SP3: variants seen among roughly 807,000 people sequenced by gnomAD.
The protein encoded by SP3 is transcription factor Sp3.
A neutral mutation model predicts 70.3 loss-of-function variants in SP3; 10 were observed. The ratio of observed to expected loss-of-function variants is 0.14; its 90% confidence interval spans 0.09 to 0.24. SP3 has a LOEUF of 0.24. Among genes scored for constraint, SP3 ranks in the 10% least tolerant of loss-of-function variants. SP3 has a pLI of 1.00. For synonymous variants in SP3, 402 were observed against 333.5 expected (o/e 1.21, Z -2.24); for missense variants, 825 against 914.6 (o/e 0.90, Z 1.26).
At chr2:173,963,951 T>A in intron 2 of SP3, 68 bp from the exon 3 acceptor site, 1 of 1,155,452 alleles carries the variant, frequency 8.7e-7, no homozygotes, top group South Asian at 1.7e-5. Flanking sequence ...TCGGGCCGCC[T>A]TTCGCACAGG....
In SP3 at chr2:173,935,568, TAC is replaced by T. The variant is rs202232401; in HGVS notation, c.1640-16785_1640-16784del. On this transcript the variant is annotated intron_variant, in intron 4 of 6. Coordinates refer to ENST00000310015, the MANE Select transcript of SP3 (RefSeq NM_003111.5). ...AGTATCTCAGAAATGGTAGAAAATGTACACACTTCCTGCACGTTTTATGGTCC... is the reference window on the plus strand; with the variant it reads ...AGTATCTCAGAAATGGTAGAAAATGTACACTTCCTGCACGTTTTATGGTCC... 4.8e-3 allele frequency among the ~76,000 whole-genome samples: 730 copies of T among 152,316 alleles called. 3 individuals are homozygous for T. The highest frequency in any genetic ancestry group is 0.017 in the African/African-American group (698 of 41,578).
At chr2:173,959,400 T>C (rs191982853) in intron 3 of SP3, among the ~76,000 whole-genome samples, 81 of 150,004 alleles carry the variant, frequency 5.4e-4, no homozygotes, top group Non-Finnish European at 1.0e-3. Flanking sequence ...CTGGAAACAC[T>C]ACAGAAACAA....
rs545572447 is a variant in SP3, at chr2:173,950,539, C to T, written c.1639+4334G>A. Among the ~76,000 whole-genome samples, 71 of 151,672 alleles carry T rather than the reference C, an allele frequency of 4.7e-4. No individual in the cohort carries two copies. The South Asian group carries it at 0.011, about 23-fold the overall frequency. The stretch of plus-strand genomic sequence containing the variant: ...ACAAAAAATTTAAAACTTAGCTGGG[C>T]ATGGTGGCGCTAGCCTGTAGTTCTA... On this transcript the variant is annotated intron_variant, in intron 4 of 6. Coordinates refer to ENST00000310015, the MANE Select transcript of SP3 (RefSeq NM_003111.5).
intron 4 of SP3, among the ~76,000 whole-genome samples, chr2:173,926,196 C>CT (rs1455650922): frequency 6.6e-6 from 1 of 152,174 alleles, no homozygotes; most frequent in African/African-American, 2.4e-5. Flanking sequence ...AATGTCTAGT[C>CT]TAACTTAGTC....
rs978796263 is a variant in SP3 at position 173,904,654 on chromosome 2, G to A, written c.*5287C>T. 5.3e-5 allele frequency among the ~76,000 whole-genome samples: 8 copies of A among 152,124 alleles called. No individual in the cohort carries two copies. The highest frequency in any genetic ancestry group is 3.3e-4 in the Admixed American group (5 of 15,274). On this transcript the variant is annotated 3_prime_UTR_variant, in exon 7 of 7. Coordinates refer to ENST00000310015, the MANE Select transcript of SP3 (RefSeq NM_003111.5). Reference sequence around the variant, plus strand: ...CAGTTTTCCAATTCCAAATTCTCAGGAGAAATCATCTAATTGGCTCAACTT... The same window carrying A: ...CAGTTTTCCAATTCCAAATTCTCAGAAGAAATCATCTAATTGGCTCAACTT...
chr2:173,932,080 T>C (rs1033864695), intron 4 of SP3, among the ~76,000 whole-genome samples: 2 of 152,260 alleles, frequency 1.3e-5, no homozygotes, highest in Non-Finnish European at 2.9e-5. Flanking sequence ...TTCAATATGC[T>C]TTCCTCACTA....
chr2:173,932,383 G>A (rs1690089837), intron 4 of SP3, among the ~76,000 whole-genome samples: 1 of 152,064 alleles, frequency 6.6e-6, no homozygotes. Context: ...GTAGAGATGG[G>A]TTTCACCATG....
intron 4 of SP3, among the ~76,000 whole-genome samples, chr2:173,927,715 T>TA (rs1473137288): frequency 1.3e-5 from 2 of 152,218 alleles, no homozygotes; most frequent in Non-Finnish European, 2.9e-5. Flanking sequence ...AAAACAGTAT[T>TA]ATTTACTATT....
At chr2:173,944,656 T>A (rs1383613448) in intron 4 of SP3, among the ~76,000 whole-genome samples, 1 of 152,224 alleles carries the variant, frequency 6.6e-6, no homozygotes, top group African/African-American at 2.4e-5. Flanking sequence ...ATATCAACAC[T>A]CTAATGAAGA....
At chr2:173,919,550 G>A (rs1689692055) in intron 4 of SP3, among the ~76,000 whole-genome samples, 2 of 151,974 alleles carry the variant, frequency 1.3e-5, no homozygotes, top group African/African-American at 2.4e-5. Context: ...TATTTATAAG[G>A]CTCAGGAGAA....
At chr2:173,931,632 A>T (rs1690070750) in intron 4 of SP3, among the ~76,000 whole-genome samples, 1 of 152,074 alleles carries the variant, frequency 6.6e-6, no homozygotes, top group Admixed American at 6.5e-5. Context: ...GTGAGCCACC[A>T]CGCCCAGCCG....
rs1281759376 is a variant in SP3, at chr2:173,903,217, A to G, written c.*6724T>C. Among the ~76,000 whole-genome samples, 1 of 152,214 alleles carries G rather than the reference A, an allele frequency of 6.6e-6. No individual in the cohort carries two copies. The highest frequency in any genetic ancestry group is 1.5e-5 in the Non-Finnish European group (1 of 68,032). ...TACATTTACTAATACATAATATAAT[A>G]TGTGCCAGGCATTATGGAAAGTGGT... On this transcript the variant is annotated 3_prime_UTR_variant, in exon 7 of 7. Coordinates refer to ENST00000310015, the MANE Select transcript of SP3 (RefSeq NM_003111.5).
chr2:173,941,918 T>G (rs943181297), intron 4 of SP3, among the ~76,000 whole-genome samples: 1 of 152,204 alleles, frequency 6.6e-6, no homozygotes, highest in Non-Finnish European at 1.5e-5. Flanking sequence ...CCACAGTAAG[T>G]AGTTTTTAGT....
At chr2:173,948,069 A>T (rs964872884) in intron 4 of SP3, among the ~76,000 whole-genome samples, 1 of 152,218 alleles carries the variant, frequency 6.6e-6, no homozygotes, top group Non-Finnish European at 1.5e-5. Context: ...TTAACAAAAA[A>T]GAGCCCTACT....
rs1221691063 is a variant in SP3 at position 173,908,824 on chromosome 2, T to C, written c.*1117A>G. 1 of 152,146 alleles carries C rather than the reference T, an allele frequency of 6.6e-6. No homozygotes were observed. Among genetic ancestry groups the C allele is most frequent in the Non-Finnish European group, 1.5e-5 (1 of 67,828 alleles). 9.4% of individuals were successfully genotyped at this position (152,146 alleles called of 1,614,324 possible). A position where few individuals can be genotyped will look rare whatever the true frequency, so the allele number is the denominator to read the frequency against. ...ATAATAAAAAACATACGCTTCTCAATTAAATGTACTGGATACATATAAATT... is the reference window on the plus strand; with the variant it reads ...ATAATAAAAAACATACGCTTCTCAACTAAATGTACTGGATACATATAAATT... On this transcript the variant is annotated 3_prime_UTR_variant, in exon 7 of 7. Transcript: ENST00000310015.
intron 4 of SP3, among the ~76,000 whole-genome samples, chr2:173,919,428 C>A (rs1168312227): frequency 1.3e-5 from 2 of 152,150 alleles, no homozygotes; most frequent in African/African-American, 4.8e-5. Context: ...CAGTACCAGG[C>A]ACTTAAGTTT....
At chr2:173,942,423 G>A (rs998655312) in intron 4 of SP3, among the ~76,000 whole-genome samples, 15 of 152,086 alleles carry the variant, frequency 9.9e-5, no homozygotes, top group African/African-American at 2.7e-4. Context: ...AAAATTAGCC[G>A]AGCGTGGTGG....
At chr2:173,965,029 T>G in intron 1 of SP3, 136 bp downstream of exon 1, 1 of 1,165,080 alleles carries the variant, frequency 8.6e-7, no homozygotes, top group Non-Finnish European at 1.2e-6. Flanking sequence ...CGCAGGGGAG[T>G]GCAGCTTTCT....
At chr2:173,954,790 G>A in intron 4 of SP3, 83 bp downstream of exon 4, 2 of 1,217,828 alleles carry the variant, frequency 1.6e-6, no homozygotes, top group Non-Finnish European at 2.3e-6. Flanking sequence ...TGAGTCTGAT[G>A]CTGATAAATA....
Sources: allele counts gnomAD v4.1 joint callset (sites outside exome capture counted in the v4.1 genomes callset), GRCh38; gene constraint gnomAD v4.1.1; transcripts MANE v1.5; gene names NCBI Gene and HGNC (gene_info 2026-07-23, HGNC 2026-07-21).